PCCA: variants seen among roughly 807,000 people sequenced by gnomAD.
The protein encoded by PCCA is propionyl-CoA carboxylase subunit alpha.
A neutral mutation model predicts 101.3 loss-of-function variants in PCCA; 74 were observed. That is an observed-to-expected ratio of 0.73 (90% CI 0.61 to 0.89). The LOEUF (loss-of-function observed/expected upper bound fraction) is 0.89, where lower values mean the gene tolerates loss of function less well. Among genes scored for constraint, PCCA ranks in the 40% least tolerant of loss-of-function variants. The probability of loss-of-function intolerance (pLI) is 0.00; values close to 1 mark genes in which losing one functional copy is unlikely to be tolerated. For missense variants in PCCA, 891 were observed against 907.0 expected (o/e 0.98, Z 0.23); for synonymous variants, 294 against 313.6 (o/e 0.94, Z 0.66).
At chr13:100,456,370 T>C (rs1420166442) in intron 21 of PCCA, among the ~76,000 whole-genome samples, 2 of 152,234 alleles carry the variant, frequency 1.3e-5, no homozygotes, top group Non-Finnish European at 2.9e-5. Context: ...CTCATTCTTG[T>C]AGGGCCCAGG....
chr13:100,388,522 G>A (rs991794168), intron 19 of PCCA, among the ~76,000 whole-genome samples: 5 of 152,080 alleles, frequency 3.3e-5, no homozygotes, highest in Non-Finnish European at 5.9e-5. Flanking sequence ...AAGACCAGGC[G>A]CAATGGCTCA....
chr13:100,244,966 C>CGTGT (rs1486721111), intron 8 of PCCA, among the ~76,000 whole-genome samples: 3 of 135,568 alleles, frequency 2.2e-5, no homozygotes, highest in East Asian at 2.2e-4. Flanking sequence ...TGTGTGTGTG[C>CGTGT]GCAGTAGTAG....
intron 18 of PCCA, 145 bp from the exon 19 acceptor site, chr13:100,368,327 A>G: frequency 1.7e-6 from 1 of 593,742 alleles, no homozygotes; most frequent in Non-Finnish European, 3.0e-6. Context: ...TAGATACATG[A>G]TGATTCTTAG....
chr13:100,212,836 C>CATTT (rs1205953851), intron 7 of PCCA, among the ~76,000 whole-genome samples: 15 of 151,876 alleles, frequency 9.9e-5, no homozygotes, highest in African/African-American at 3.6e-4. Flanking sequence ...TAACTGGACC[C>CATTT]ATTTTTGTAC....
chr13:100,441,972 TTTC>T (rs1421227758), intron 20 of PCCA, among the ~76,000 whole-genome samples: 4 of 149,894 alleles, frequency 2.7e-5, no homozygotes, highest in African/African-American at 7.3e-5. Flanking sequence ...ACATCAATCT[TTTC>T]TTTTTCCTTT....
At chr13:100,350,033 T>C (rs887380291) in intron 18 of PCCA, among the ~76,000 whole-genome samples, 1 of 152,214 alleles carries the variant, frequency 6.6e-6, no homozygotes, top group Non-Finnish European at 1.5e-5. Flanking sequence ...TCACCTGTTA[T>C]TAAATTTTCA....
intron 21 of PCCA, among the ~76,000 whole-genome samples, chr13:100,453,477 TAAA>T (rs374141591): frequency 7.5e-5 from 10 of 133,802 alleles, no homozygotes; most frequent in East Asian, 4.1e-4. Context: ...CACTCTAGTT[TAAA>T]AAAAAAAAAA....
intron 21 of PCCA, among the ~76,000 whole-genome samples, chr13:100,514,989 T>C (rs1447886990): frequency 6.6e-6 from 1 of 152,252 alleles, no homozygotes; most frequent in East Asian, 1.9e-4. Context: ...CTTGGAGGGC[T>C]GTGGGAAGCT....
chr13:100,196,574 A>G (rs777229802), intron 6 of PCCA, among the ~76,000 whole-genome samples: 15 of 152,172 alleles, frequency 9.9e-5, no homozygotes, highest in Admixed American at 1.3e-4. Flanking sequence ...TTAATACAGA[A>G]TATACTTTAG....
At chr13:100,165,489 T>C (rs2054935472) in intron 6 of PCCA, among the ~76,000 whole-genome samples, 1 of 152,132 alleles carries the variant, frequency 6.6e-6, no homozygotes, top group Admixed American at 6.5e-5. Context: ...CTTGTGGGAG[T>C]ATTAATATTT....
intron 14 of PCCA, 145 bp downstream of exon 14, chr13:100,303,143 A>T: frequency 2.8e-6 from 2 of 710,644 alleles, no homozygotes; most frequent in Middle Eastern, 2.4e-4. Flanking sequence ...GTTGAAAACA[A>T]ATTTTTTTCA....
chr13:100,227,232 C>A (rs1214896084), intron 7 of PCCA, among the ~76,000 whole-genome samples: 1 of 152,172 alleles, frequency 6.6e-6, no homozygotes, highest in Admixed American at 6.5e-5. Context: ...CTGCCTCTGC[C>A]TCCCAAAGTG....
intron 16 of PCCA, among the ~76,000 whole-genome samples, chr13:100,315,793 C>T (rs1409373236): frequency 6.6e-6 from 1 of 152,056 alleles, no homozygotes; most frequent in East Asian, 1.9e-4. Flanking sequence ...AGAGGTCATC[C>T]TTGACTCCCA....
At chr13:100,144,632 T>C in intron 4 of PCCA, among the ~76,000 whole-genome samples, 1 of 152,234 alleles carries the variant, frequency 6.6e-6, no homozygotes, top group African/African-American at 2.4e-5. Flanking sequence ...ATACACTATA[T>C]ATTTCCTATG....
intron 4 of PCCA, among the ~76,000 whole-genome samples, chr13:100,124,974 G>A (rs1436131488): frequency 6.6e-6 from 1 of 152,036 alleles, no homozygotes; most frequent in East Asian, 1.9e-4. Context: ...AGGAGTTAAG[G>A]TTCTTAATTA....
chr13:100,492,434 G>T (rs1425043484), intron 21 of PCCA, among the ~76,000 whole-genome samples: 1 of 151,982 alleles, frequency 6.6e-6, no homozygotes, highest in Non-Finnish European at 1.5e-5. Context: ...GAGCCCGGTG[G>T]ACTGTCTTCT....
At chr13:100,164,850 C>T (rs1437433893) in intron 6 of PCCA, among the ~76,000 whole-genome samples, 1 of 152,194 alleles carries the variant, frequency 6.6e-6, no homozygotes, top group African/African-American at 2.4e-5. Flanking sequence ...CCCCATTTCC[C>T]ACCTACTCCT....
chr13:100,190,317 T>G (rs1412559521), intron 6 of PCCA, among the ~76,000 whole-genome samples: 1 of 152,182 alleles, frequency 6.6e-6, no homozygotes, highest in African/African-American at 2.4e-5. Context: ...TGTAATTAAA[T>G]AGCATTATTA....
At chr13:100,189,084 G>C (rs1403488358) in intron 6 of PCCA, among the ~76,000 whole-genome samples, 2 of 151,872 alleles carry the variant, frequency 1.3e-5, no homozygotes, top group African/African-American at 4.8e-5. Flanking sequence ...TCCCCTCCCT[G>C]TGTCCATGTC....
Sources: allele counts gnomAD v4.1 joint callset (sites outside exome capture counted in the v4.1 genomes callset), GRCh38; gene constraint gnomAD v4.1.1; transcripts MANE v1.5; gene names NCBI Gene and HGNC (gene_info 2026-07-23, HGNC 2026-07-21).